The following CHRNA7 variants were observed in gnomAD, a reference collection of about 807,000 sequenced individuals.
CHRNA7 encodes cholinergic receptor nicotinic alpha 7 subunit.
Under a neutral mutation model 48.0 loss-of-function variants are expected in CHRNA7, and 17 were observed. That is an observed-to-expected ratio of 0.35 (90% CI 0.24 to 0.53). CHRNA7 has a LOEUF of 0.53. CHRNA7 is among the 20% of genes least tolerant of loss of function. The probability of loss-of-function intolerance (pLI) is 0.92; values close to 1 mark genes in which losing one functional copy is unlikely to be tolerated. For missense variants in CHRNA7, 155 were observed against 577.7 expected, an observed-to-expected ratio of 0.27 and a Z score of 7.50; for synonymous variants, 75 against 242.3, an observed-to-expected ratio of 0.31 and a Z score of 6.41.
rs2051572459 is a variant in CHRNA7 at position 32,149,430 on chromosome 15, T to C, written c.351-4477T>C. Among the ~76,000 whole-genome samples, 1 of 152,172 alleles carries C rather than the reference T, an allele frequency of 6.6e-6. No individual in the cohort carries two copies. Among genetic ancestry groups the C allele is most frequent in the Non-Finnish European group, 1.5e-5 (1 of 68,020 alleles). On this transcript the variant is annotated intron_variant, in intron 4 of 9. Coordinates refer to ENST00000306901, the MANE Select transcript of CHRNA7 (RefSeq NM_000746.6). This position sits in a 1 kb window ranked among gnomAD's most constrained non-coding sequence, Gnocchi z 4.6. ...CATAGGGGTTCTGGCCACTCACATT[T>C]CCGAGGTTCTTCATTTCCCACCTCA...
chr15:32,038,281 G>GAT (rs917673534), intron 2 of CHRNA7, among the ~76,000 whole-genome samples: 4 of 150,844 alleles, frequency 2.7e-5, no homozygotes, highest in East Asian at 1.9e-4. Flanking sequence ...CATACTTAAT[G>GAT]ATATATATAT....
At chr15:32,072,093 C>A (rs1344635953) in intron 2 of CHRNA7, among the ~76,000 whole-genome samples, 2 of 152,088 alleles carry the variant, frequency 1.3e-5, no homozygotes, top group Non-Finnish European at 2.9e-5. Context: ...ACAGTGAAAA[C>A]CAGGCTGATG....
At chr15:32,141,026 G>A (rs2051368710) in intron 4 of CHRNA7, among the ~76,000 whole-genome samples, 1 of 152,084 alleles carries the variant, frequency 6.6e-6, no homozygotes, top group Admixed American at 6.6e-5. Flanking sequence ...TATTGCCTAG[G>A]TTTTCTTCTA....
chr15:32,074,744 T>G (rs2050111275), intron 2 of CHRNA7, among the ~76,000 whole-genome samples: 1 of 151,758 alleles, frequency 6.6e-6, no homozygotes, highest in African/African-American at 2.4e-5. Flanking sequence ...AACCTCCGCC[T>G]CCTGGGTTCA....
At chr15:32,041,051 G>T (rs1027564457) in intron 2 of CHRNA7, among the ~76,000 whole-genome samples, 2 of 151,852 alleles carry the variant, frequency 1.3e-5, no homozygotes, top group Non-Finnish European at 2.9e-5. Context: ...TAAAGGGAAG[G>T]GTTTTTTGTC....
At chr15:32,088,341 A>G (rs1004872916) in intron 2 of CHRNA7, among the ~76,000 whole-genome samples, 1 of 152,200 alleles carries the variant, frequency 6.6e-6, no homozygotes, top group Non-Finnish European at 1.5e-5. Flanking sequence ...TTCACCTGTT[A>G]TAAGACATCC....
At chr15:32,069,495 A>G (rs1029805788) in intron 2 of CHRNA7, among the ~76,000 whole-genome samples, 2 of 152,148 alleles carry the variant, frequency 1.3e-5, no homozygotes, top group Non-Finnish European at 2.9e-5. Flanking sequence ...AAAAATTTAA[A>G]AATTAGCTGG....
At chr15:32,158,301 TAGCAC>T (rs1566882594) in intron 6 of CHRNA7, 106 bp from the exon 7 acceptor site, 30 of 619,922 alleles carry the variant, frequency 4.8e-5, no homozygotes, top group Middle Eastern at 5.8e-4. Flanking sequence ...TTTTTTTTTT[TAGCAC>T]TTTGCAAACT....
chr15:32,068,886 A>G (rs1292687298), intron 2 of CHRNA7, among the ~76,000 whole-genome samples: 1 of 152,226 alleles, frequency 6.6e-6, no homozygotes, highest in Admixed American at 6.5e-5. Context: ...AAAGGGGAGT[A>G]ATAGACAATT....
intron 4 of CHRNA7, among the ~76,000 whole-genome samples, chr15:32,136,394 G>A (rs2051257478): frequency 1.3e-5 from 2 of 151,814 alleles, no homozygotes; most frequent in African/African-American, 2.4e-5. Context: ...GGGAGGGTGA[G>A]GCAGGAGGAT....
intron 2 of CHRNA7, among the ~76,000 whole-genome samples, chr15:32,049,502 G>C (rs546270803): frequency 6.6e-6 from 1 of 152,146 alleles, no homozygotes; most frequent in African/African-American, 2.4e-5. Context: ...TTGCTTGGTA[G>C]ATCTTCCTCC....
At position 32,030,954 on chromosome 15, in the gene CHRNA7, A is replaced by G. The variant is rs772352425; in HGVS notation, c.112A>G (p.Asn38Asp). 6.2e-7 allele frequency: 1 copy of G among 1,614,148 alleles called. No homozygotes were observed. Among genetic ancestry groups the G allele is most frequent in the South Asian group, 1.1e-5 (1 of 91,088 alleles). The change falls in exon 2 of 10, where the codon AAT becomes GAT. Residue 38 changes from asparagine to aspartate, a missense_variant. Asn to Asp is a conservative substitution (Grantham distance 23). Coordinates refer to ENST00000306901, the MANE Select transcript of CHRNA7 (RefSeq NM_000746.6). The stretch of plus-strand genomic sequence containing the variant: ...TTACAAGGAGCTGGTCAAGAACTAC[A>G]ATCCCTTGGAGAGGCCCGTGGCCAA... ...KLYKELVKNY[N>D]PLERPVANDS...
At chr15:32,111,514 A>C in intron 3 of CHRNA7, 1 of 313,026 alleles carries the variant, frequency 3.2e-6, no homozygotes, top group Non-Finnish European at 5.8e-6. Flanking sequence ...CAGGAGGAGA[A>C]GGCTCGGGGA....
chr15:32,123,871 C>G (rs1159612183), intron 4 of CHRNA7, among the ~76,000 whole-genome samples: 5 of 142,576 alleles, frequency 3.5e-5, no homozygotes, highest in Non-Finnish European at 6.0e-5. Flanking sequence ...GCTCATCTGT[C>G]TTTTGTCAGT....
intron 2 of CHRNA7, among the ~76,000 whole-genome samples, chr15:32,041,147 A>T (rs1251719179): frequency 6.6e-6 from 1 of 151,872 alleles, no homozygotes; most frequent in African/African-American, 2.4e-5. Flanking sequence ...TTTTTCCCCC[A>T]CATGTATCAG....
intron 4 of CHRNA7, among the ~76,000 whole-genome samples, chr15:32,138,564 G>A (rs924020734): frequency 6.6e-6 from 1 of 151,526 alleles, no homozygotes; most frequent in Non-Finnish European, 1.5e-5. Context: ...TTACATCAGG[G>A]TTCTCTCTTG....
intron 2 of CHRNA7, among the ~76,000 whole-genome samples, chr15:32,085,931 G>A (rs2050288207): frequency 6.6e-6 from 1 of 151,842 alleles, no homozygotes. Flanking sequence ...GTTACCCTGT[G>A]GATAAACTGT....
chr15:32,060,710 G>A (rs953591391), intron 2 of CHRNA7, among the ~76,000 whole-genome samples: 1 of 152,174 alleles, frequency 6.6e-6, no homozygotes, highest in Non-Finnish European at 1.5e-5. Context: ...CAAATTCTCA[G>A]ACAAAAATAA....
chr15:32,061,705 T>C (rs1595400116), intron 2 of CHRNA7, among the ~76,000 whole-genome samples: 1 of 151,994 alleles, frequency 6.6e-6, no homozygotes. Context: ...CTACTGGGGA[T>C]GCTGAGGCAG....
Sources: allele counts gnomAD v4.1 joint callset (sites outside exome capture counted in the v4.1 genomes callset), GRCh38; gene constraint gnomAD v4.1.1; non-coding constraint Gnocchi (gnomAD v3.1); transcripts MANE v1.5; gene names NCBI Gene and HGNC (gene_info 2026-07-23, HGNC 2026-07-21).